TOGARAM2: variants seen among roughly 807,000 people sequenced by gnomAD.
TOGARAM2 encodes TOG array regulator of axonemal microtubules protein 2.
Under a neutral mutation model 93.3 loss-of-function variants are expected in TOGARAM2, and 85 were observed. The ratio of observed to expected loss-of-function variants is 0.91; its 90% CI spans 0.76 to 1.09. The LOEUF (loss-of-function observed/expected upper bound fraction) is 1.09, where lower values mean the gene tolerates loss of function less well. Among genes scored for constraint, TOGARAM2 ranks in the 50% least tolerant of loss-of-function variants. The pLI, the probability that TOGARAM2 is intolerant of heterozygous loss-of-function variation, is 0.00. For missense variants in TOGARAM2, 1,277 were observed against 1,334.5 expected, an observed-to-expected ratio of 0.96 and a Z score of 0.67; for synonymous variants, 593 against 552.8, an observed-to-expected ratio of 1.07 and a Z score of -1.02.
chr2:29,033,103 G>T, intron 15 of TOGARAM2, 52 bp downstream of exon 15: 1 of 1,484,734 alleles, frequency 6.7e-7, no homozygotes, highest in South Asian at 1.2e-5. Context: ...GGGGGTGACA[G>T]TGCTGAGCCT....
intron 8 of TOGARAM2, among the ~76,000 whole-genome samples, chr2:29,016,786 A>G (rs944607243): frequency 6.6e-6 from 1 of 152,112 alleles, no homozygotes; most frequent in African/African-American, 2.4e-5. Context: ...CCGGCCTCAG[A>G]GCTTTTGCAC....
chr2:29,004,329 T>C (rs566267051), intron 6 of TOGARAM2, among the ~76,000 whole-genome samples: 102 of 152,334 alleles, frequency 6.7e-4, no homozygotes, highest in South Asian at 2.5e-3. Flanking sequence ...ATGGCAGCTC[T>C]TTGTAATTAA....
intron 1 of TOGARAM2, among the ~76,000 whole-genome samples, chr2:28,986,962 G>A (rs1035412347): frequency 6.6e-6 from 1 of 152,122 alleles, no homozygotes; most frequent in Middle Eastern, 3.2e-3. Flanking sequence ...AAGTCACACA[G>A]CTAGCAGGTG....
In TOGARAM2 at chr2:29,011,342, C is replaced by T. The variant is rs960840662; in HGVS notation, c.831-113C>T. 1.1e-5 allele frequency: 9 copies of T among 847,446 alleles called. No individual in the cohort carries two copies. The Admixed American group carries it at 2.4e-4, about 22-fold the overall frequency. The allele number at this position is 847,446 out of a possible 1,614,324, so 52.5% of individuals were successfully genotyped here. Reference sequence around the variant, plus strand: ...CTCTGCAGGGATAACAGTGCCGTCCCCTCTGTCCCCCATCTCGGCCATTGC... The same window carrying T: ...CTCTGCAGGGATAACAGTGCCGTCCTCTCTGTCCCCCATCTCGGCCATTGC... On this transcript the variant is annotated intron_variant, in intron 6 of 19. Coordinates refer to ENST00000379558, the MANE Select transcript of TOGARAM2 (RefSeq NM_199280.4).
chr2:28,959,742 CA>C (rs888746698), intron 1 of TOGARAM2, among the ~76,000 whole-genome samples: 15 of 148,452 alleles, frequency 1.0e-4, no homozygotes, highest in African/African-American at 3.7e-4. Flanking sequence ...GACTCTGGCT[CA>C]AAAAAAAGAA....
chr2:28,998,304 CG>C (rs1572659877), intron 3 of TOGARAM2, 51 bp downstream of exon 3: 1 of 1,356,124 alleles, frequency 7.4e-7, no homozygotes, highest in Non-Finnish European at 1.0e-6. Flanking sequence ...CATCCTGGAG[CG>C]GGGAGTGAGT....
intron 2 of TOGARAM2, among the ~76,000 whole-genome samples, chr2:28,997,545 T>C (rs953718241): frequency 1.3e-5 from 2 of 152,188 alleles, no homozygotes; most frequent in African/African-American, 4.8e-5. Flanking sequence ...TGTTCACAAA[T>C]CTCTGTGTCG....
At chr2:29,021,006 C>T (rs1215407246) in intron 10 of TOGARAM2, among the ~76,000 whole-genome samples, 1 of 152,074 alleles carries the variant, frequency 6.6e-6, no homozygotes, top group Non-Finnish European at 1.5e-5. Context: ...CTACGCTTCC[C>T]GAGTTCAAGC....
rs114252468 is a variant in TOGARAM2, at chr2:29,017,357, C to T, written c.1195+53C>T. On this transcript the variant is annotated intron_variant, in intron 9 of 19. Transcript: ENST00000379558. ...TCAGGCCTGGGGAGCTGAGTCCACT[C>T]TCTCATAGCCTGCTGATGGGCCCAT... 3,617 of 1,446,690 alleles carry T rather than the reference C, an allele frequency of 2.5e-3. 72 individuals are homozygous for T. The African/African-American group carries it at 0.045, about 18-fold the overall frequency. 89.6% of individuals were successfully genotyped at this position (1,446,690 alleles called of 1,614,324 possible). A position where few individuals can be genotyped will look rare whatever the true frequency, so the allele number is the denominator to read the frequency against.
rs1665911549 is a variant in TOGARAM2 at position 29,033,614 on chromosome 2, G to C, written c.2225+51G>C. 3 of 1,562,794 alleles carry C rather than the reference G, an allele frequency of 1.9e-6. No individual in the cohort carries two copies. In the African/African-American group the frequency reaches 4.1e-5, roughly 21 times the overall value. On this transcript the variant is annotated intron_variant, in intron 16 of 19. Coordinates refer to ENST00000379558, the MANE Select transcript of TOGARAM2 (RefSeq NM_199280.4). The stretch of plus-strand genomic sequence containing the variant: ...CTTCACATCTAAGACTTCTGACAGA[G>C]GCATCCTGCTTGTCCATGGCCAGGG...
At chr2:29,044,672 G>C (rs1392680877) in intron 18 of TOGARAM2, among the ~76,000 whole-genome samples, 1 of 151,966 alleles carries the variant, frequency 6.6e-6, no homozygotes, top group Non-Finnish European at 1.5e-5. Flanking sequence ...TCTTGAGGGG[G>C]ATGGGAGTAC....
intron 13 of TOGARAM2, 73 bp downstream of exon 13, chr2:29,024,447 T>A: frequency 8.3e-7 from 1 of 1,202,802 alleles, no homozygotes; most frequent in Non-Finnish European, 1.2e-6. Context: ...CCCTGGGATG[T>A]GAAAGAAGGA....
chr2:29,017,959 G>A lies in TOGARAM2; in HGVS notation c.1360+3G>A. On this transcript the variant is annotated splice_donor_region_variant and intron_variant, in intron 10 of 19. Coordinates refer to ENST00000379558, the MANE Select transcript of TOGARAM2 (RefSeq NM_199280.4). Reference sequence around the variant, plus strand: ...CCGCTTTGCCCGCCACGCCTCAGGTGGGCAGGCCCGACTGGCAGGCACACG... The same window carrying A: ...CCGCTTTGCCCGCCACGCCTCAGGTAGGCAGGCCCGACTGGCAGGCACACG... 6.3e-7 allele frequency: 1 copy of A among 1,595,204 alleles called. No homozygotes were observed. Among genetic ancestry groups the A allele is most frequent in the Non-Finnish European group, 8.6e-7 (1 of 1,169,548 alleles).
At chr2:28,989,876 C>A (rs1324163125) in intron 1 of TOGARAM2, among the ~76,000 whole-genome samples, 1 of 152,254 alleles carries the variant, frequency 6.6e-6, no homozygotes, top group Non-Finnish European at 1.5e-5. Context: ...TTCAGTCACA[C>A]AGCTTGCAGG....
rs987178023 is a variant in TOGARAM2 at position 28,967,693 on chromosome 2, T to C, written c.-147+10996T>C. On this transcript the variant is annotated intron_variant, in intron 1 of 6. Transcript: ENST00000401723. ...GATCCAGTTTCCAGCGCTTACTCCG[T>C]GACCTTTGGCAAACTGCTTACCTTC... is the stretch of plus-strand genomic sequence containing the variant. Among the ~76,000 whole-genome samples, 7 of 151,798 alleles carry C rather than the reference T, an allele frequency of 4.6e-5. No homozygotes were observed. In the South Asian group the frequency reaches 1.5e-3, roughly 32 times the overall value.
chr2:28,958,630 A>G (rs1290035320), intron 1 of TOGARAM2, among the ~76,000 whole-genome samples: 1 of 152,142 alleles, frequency 6.6e-6, no homozygotes, highest in Non-Finnish European at 1.5e-5. Flanking sequence ...TTTGGAGTGC[A>G]CACGTGTGTA....
chr2:29,047,885 C>A (rs1427697159), intron 19 of TOGARAM2: 1 of 145,172 alleles, frequency 6.9e-6, no homozygotes, highest in Non-Finnish European at 1.5e-5. Flanking sequence ...GAAGGAGGCT[C>A]TGTTGGGGGG....
intron 7 of TOGARAM2, among the ~76,000 whole-genome samples, chr2:29,012,111 G>A (rs1472730964): frequency 6.6e-6 from 1 of 152,160 alleles, no homozygotes; most frequent in Non-Finnish European, 1.5e-5. Context: ...AGAGGGAGGA[G>A]GGATCCTTCC....
intron 1 of TOGARAM2, among the ~76,000 whole-genome samples, chr2:28,963,476 A>G (rs7572715): frequency 0.81 from 123,158 of 152,116 alleles, 50,162 homozygotes; most frequent in Middle Eastern, 0.9. Flanking sequence ...CTAGTCTCAA[A>G]TGATCCTCCT....
Sources: gnomAD v4.1 joint callset for allele counts (sites outside exome capture counted in the v4.1 genomes callset) on GRCh38, gnomAD v4.1.1 for gene constraint, MANE v1.5 for transcripts, NCBI Gene and HGNC (gene_info 2026-07-23, HGNC 2026-07-21) for gene names.